Variants in BDP1 observed in about 807,000 individuals in gnomAD.
BDP1 encodes the protein transcription factor TFIIIB component B'' homolog.
Under a neutral mutation model 266.6 loss-of-function variants are expected in BDP1, and 169 were observed. The ratio of observed to expected loss-of-function variants is 0.63; its 90% CI spans 0.56 to 0.72. The LOEUF is 0.72. Ranked by LOEUF, BDP1 falls within the 30% of genes least tolerant of loss-of-function variation. The pLI, the probability that BDP1 is intolerant of heterozygous loss-of-function variation, is 0.00. For synonymous variants in BDP1, 1,090 were observed against 1,022.4 expected, an observed-to-expected ratio of 1.07 and a Z score of -1.26; for missense variants, 3,015 against 3,053.8, an observed-to-expected ratio of 0.99 and a Z score of 0.30.
At chr5:71,531,996 A>G (rs1766277307) in intron 25 of BDP1, among the ~76,000 whole-genome samples, 1 of 152,182 alleles carries the variant, frequency 6.6e-6, no homozygotes, top group African/African-American at 2.4e-5. Flanking sequence ...CTGAACAGAG[A>G]AATTAGGGGG....
intron 36 of BDP1, among the ~76,000 whole-genome samples, chr5:71,559,505 C>G (rs1743476353): frequency 6.6e-6 from 1 of 152,168 alleles, no homozygotes; most frequent in Admixed American, 6.5e-5. Context: ...GTTATTTTGT[C>G]CTAATCTTTG....
At chr5:71,529,267 G>C (rs1042530485) in intron 25 of BDP1, among the ~76,000 whole-genome samples, 1 of 152,122 alleles carries the variant, frequency 6.6e-6, no homozygotes, top group African/African-American at 2.4e-5. Flanking sequence ...GTGGGCGCCT[G>C]TAATCCCAGC....
At chr5:71,502,912 G>A (rs553419256) in intron 15 of BDP1, 121 bp downstream of exon 15, 4 of 781,714 alleles carry the variant, frequency 5.1e-6, no homozygotes, top group East Asian at 2.7e-5. Flanking sequence ...TATTTATGAC[G>A]GAGTCTTGCT....
intron 13 of BDP1, among the ~76,000 whole-genome samples, chr5:71,500,473 G>A (rs1764167991): frequency 6.6e-6 from 1 of 151,782 alleles, no homozygotes; most frequent in African/African-American, 2.4e-5. Context: ...TTACAGGCAT[G>A]CGCCACCATG....
Position 71,544,376 on chromosome 5 carries a change from C to G in BDP1, c.6432C>G (p.Ser2144=). 1 of 1,608,228 alleles carries G rather than the reference C, an allele frequency of 6.2e-7. No individual in the cohort carries two copies. Among genetic ancestry groups the G allele is most frequent in the Non-Finnish European group, 8.5e-7 (1 of 1,178,578 alleles). ...ETQRETEKNA[S]KATELENKNL... is the part of the protein sequence containing the mutation. Reference sequence around the variant, plus strand: ...TTTAAGAAACAGAGAAAAATGCTTCCAAAGCAACAGAATTGGAAAATAAAA... The same window carrying G: ...TTTAAGAAACAGAGAAAAATGCTTCGAAAGCAACAGAATTGGAAAATAAAA... Residue 2144 remains serine (S), a synonymous_variant, in exon 31 of 39, where the codon TCC becomes TCG. Coordinates refer to ENST00000358731, the MANE Select transcript of BDP1 (RefSeq NM_018429.3).
At chr5:71,569,987 G>A (rs1052064046), downstream of BDP1, among the ~76,000 whole-genome samples, 2 of 152,156 alleles carry the variant, frequency 1.3e-5, no homozygotes, top group East Asian at 1.9e-4. Context: ...AGAGAATGGG[G>A]GTGGTTTAAA....
intron 10 of BDP1, 49 bp from the exon 11 acceptor site, chr5:71,490,935 G>C (rs1763548485): frequency 6.4e-7 from 1 of 1,558,250 alleles, no homozygotes; most frequent in Non-Finnish European, 8.7e-7. Flanking sequence ...CTCTAAAAAA[G>C]ATGTTTTTGC....
At chr5:71,489,322 G>T in intron 9 of BDP1, 82 bp from the exon 10 acceptor site, 1 of 959,622 alleles carries the variant, frequency 1.0e-6, no homozygotes, top group South Asian at 1.7e-5. Flanking sequence ...TAATACAGAG[G>T]ACATCTTTGA....
rs756262265 is a variant in BDP1, at chr5:71,544,353, T to C, written c.6413-4T>C. On this transcript the variant is annotated splice_region_variant and splice_polypyrimidine_tract_variant and intron_variant, in intron 30 of 38. Transcript: ENST00000358731. The stretch of plus-strand genomic sequence containing the variant: ...CTATATCGTAAGTGTGCTTTTTGTT[T>C]AAGAAACAGAGAAAAATGCTTCCAA... 27 of 1,606,910 alleles carry C rather than the reference T, an allele frequency of 1.7e-5. No homozygotes were observed. The highest frequency in any genetic ancestry group is 4.5e-5 in the East Asian group (2 of 44,842).
In BDP1 at chr5:71,544,650, C is replaced by T. The variant is rs568607771; in HGVS notation, c.6563+143C>T. ...ATCCCGGCACTTTGGGAGGCCAAGA[C>T]GGGAGGATCACGAGGTCAGGAGATC... On this transcript the variant is annotated intron_variant, in intron 31 of 38. Coordinates refer to ENST00000358731, the MANE Select transcript of BDP1 (RefSeq NM_018429.3). 1.0e-4 allele frequency: 82 copies of T among 802,054 alleles called. 1 individual carries two copies. In the African/African-American group the frequency reaches 1.1e-3, roughly 11 times the overall value. The allele number at this position is 802,054 out of a possible 1,614,324, so 49.7% of individuals were successfully genotyped here.
the BDP1 span, among the ~76,000 whole-genome samples, chr5:71,576,871 G>A: frequency 2.6e-5 from 4 of 151,850 alleles, no homozygotes; most frequent in African/African-American, 9.7e-5. Context: ...TGATATGGAA[G>A]GCAGCATTCC....
At chr5:71,463,915 G>T (rs1447226021) in intron 3 of BDP1, 143 bp from the exon 4 acceptor site, 7 of 508,666 alleles carry the variant, frequency 1.4e-5, no homozygotes, top group Non-Finnish European at 2.1e-5. Flanking sequence ...AAAGTTGATT[G>T]TTGGATTGTA....
rs62374362 is a variant in BDP1 at position 71,497,486 on chromosome 5, G to T, written c.1956+60G>T. On this transcript the variant is annotated intron_variant, in intron 13 of 38. Transcript: ENST00000358731. ...ATAAAAATTTTCTTTAGATAGTTGGGAATAAAAGTTGTTGACTTGAAATTA... is the reference window on the plus strand; with the variant it reads ...ATAAAAATTTTCTTTAGATAGTTGGTAATAAAAGTTGTTGACTTGAAATTA... 493 of 1,363,638 alleles carry T rather than the reference G, an allele frequency of 3.6e-4. 5 individuals carry two copies. In the East Asian group the frequency reaches 0.012, roughly 32 times the overall value. The allele number at this position is 1,363,638 out of a possible 1,614,324, so 84.5% of individuals were successfully genotyped here.
chr5:71,539,442 C>CAG (rs763675574), intron 27 of BDP1, 115 bp from the exon 28 acceptor site: 110 of 723,854 alleles, frequency 1.5e-4, no homozygotes, highest in Non-Finnish European at 2.2e-4. Context: ...ATTAATGGCT[C>CAG]AGAGGATATT....
At chr5:71,471,817 A>G (rs114052859) in intron 7 of BDP1, among the ~76,000 whole-genome samples, 2,487 of 152,338 alleles carry the variant, frequency 0.016, 38 homozygotes, top group South Asian at 0.048. Flanking sequence ...CATTAATAAA[A>G]GGAACCATTA....
chr5:71,556,614 T>G (rs2112036342), intron 35 of BDP1, among the ~76,000 whole-genome samples: 1 of 152,340 alleles, frequency 6.6e-6, no homozygotes, highest in South Asian at 2.1e-4. Context: ...TGTAGTAGTC[T>G]TTTGATGTGC....
intron 15 of BDP1, among the ~76,000 whole-genome samples, chr5:71,503,915 G>A (rs757870490): frequency 6.6e-6 from 1 of 151,786 alleles, no homozygotes; most frequent in Non-Finnish European, 1.5e-5. Flanking sequence ...AGCCTCCAGT[G>A]AGCTATCTAT....
Position 71,553,316 on chromosome 5 carries a change from C to T in BDP1, c.7196C>T (p.Thr2399Ile). ...TLRDDCQEYT[T>I]EVHSKELTNV... ...AGAGATGACTGTCAAGAATATACCA[C>T]TGAGGTAAGTGGTATATTAAGTACC... The change falls in exon 35 of 39, where the codon ACT (threonine) becomes ATT (isoleucine). Residue 2399 changes from threonine (T) to isoleucine (I), a missense_variant. Transcript: ENST00000358731. 5 of 1,610,972 alleles carry T rather than the reference C, an allele frequency of 3.1e-6. No individual in the cohort carries two copies. The highest frequency in any genetic ancestry group is 2.2e-5 in the East Asian group (1 of 44,814).
At chr5:71,467,967 A>G (rs1225547125) in intron 6 of BDP1, among the ~76,000 whole-genome samples, 3 of 152,250 alleles carry the variant, frequency 2.0e-5, no homozygotes, top group East Asian at 3.9e-4. Flanking sequence ...AGCCTCCCAG[A>G]GTAGCTGGCA....
Sources: allele counts gnomAD v4.1 joint callset (sites outside exome capture counted in the v4.1 genomes callset), GRCh38; gene constraint gnomAD v4.1.1; transcripts MANE v1.5; gene names NCBI Gene and HGNC (gene_info 2026-07-23, HGNC 2026-07-21).